The following LDB2 variants were observed in gnomAD, a reference collection of about 807,000 sequenced individuals.
The protein encoded by LDB2 is LIM domain binding 2.
LDB2 carries 12 observed loss-of-function variants against 44.3 expected under a neutral mutation model. That is an observed-to-expected ratio of 0.27 (90% CI 0.17 to 0.44). The LOEUF (loss-of-function observed/expected upper bound fraction) is 0.44, where lower values mean the gene tolerates loss of function less well. Ranked by LOEUF, LDB2 falls within the 20% of genes least tolerant of loss-of-function variation. The probability of loss-of-function intolerance (pLI) is 1.00; values close to 1 mark genes in which losing one functional copy is unlikely to be tolerated. For missense variants in LDB2, 344 were observed against 473.5 expected (o/e 0.73, Z 2.54); for synonymous variants, 164 against 174.8 (o/e 0.94, Z 0.49).
chr4:16,778,733 A>G (rs1271429581), intron 1 of LDB2, among the ~76,000 whole-genome samples: 6 of 152,232 alleles, frequency 3.9e-5, no homozygotes, highest in Admixed American at 2.6e-4. Context: ...TGGTTTAATC[A>G]TCACAATTAT....
At chr4:16,738,830 G>A (rs1249147544) in intron 2 of LDB2, among the ~76,000 whole-genome samples, 1 of 152,126 alleles carries the variant, frequency 6.6e-6, no homozygotes, top group Non-Finnish European at 1.5e-5. Flanking sequence ...TCTTATCAGG[G>A]ATTGTTTACT....
chr4:16,719,027 A>G (rs941172359), intron 2 of LDB2, among the ~76,000 whole-genome samples: 1 of 152,068 alleles, frequency 6.6e-6, no homozygotes, highest in Non-Finnish European at 1.5e-5. Context: ...CAAAATAAAT[A>G]GGCATATAAG....
At chr4:16,724,754 C>A (rs1159700018) in intron 2 of LDB2, among the ~76,000 whole-genome samples, 2 of 152,118 alleles carry the variant, frequency 1.3e-5, no homozygotes, top group Non-Finnish European at 2.9e-5. Context: ...CCTATGCAAA[C>A]TTTGGCATTT....
intron 1 of LDB2, among the ~76,000 whole-genome samples, chr4:16,875,769 A>T (rs1337042569): frequency 2.6e-5 from 4 of 152,332 alleles, no homozygotes; most frequent in Non-Finnish European, 5.9e-5. Context: ...AGGGACCACC[A>T]GCCAAAGGCA....
intron 1 of LDB2, among the ~76,000 whole-genome samples, chr4:16,766,109 A>G (rs140445096): frequency 3.5e-4 from 54 of 152,310 alleles, no homozygotes; most frequent in African/African-American, 1.1e-3. Flanking sequence ...ATTAAATGTT[A>G]CAAATATAAA....
At chr4:16,556,154 T>C (rs10516304) in intron 5 of LDB2, among the ~76,000 whole-genome samples, 6,607 of 152,316 alleles carry the variant, frequency 0.043, 249 homozygotes, top group East Asian at 0.23. Context: ...AGACTTATTA[T>C]GTTCCTTTTC....
At chr4:16,798,887 G>T (rs1008870970) in intron 1 of LDB2, among the ~76,000 whole-genome samples, 1 of 152,108 alleles carries the variant, frequency 6.6e-6, no homozygotes, top group African/African-American at 2.4e-5. Context: ...GACTTGCTTT[G>T]TTGCCCAGGC....
Position 16,814,328 on chromosome 4 carries a change from C to T in LDB2, c.133-55068G>A, listed in dbSNP as rs893142651. 3.3e-5 allele frequency among the ~76,000 whole-genome samples: 5 copies of T among 152,188 alleles called. No homozygotes were observed. The East Asian group carries it at 9.6e-4, about 29-fold the overall frequency. On this transcript the variant is annotated intron_variant, in intron 1 of 7. Coordinates refer to ENST00000304523, the MANE Select transcript of LDB2 (RefSeq NM_001290.5). ...TTCCAGGGCAACCATGTGTCAATAG[C>T]AGAACCTAGATTCAGACAGTTGGAT... is the stretch of plus-strand genomic sequence containing the variant.
intron 2 of LDB2, chr4:16,752,332 G>T (rs1235614650): frequency 5.0e-6 from 2 of 402,024 alleles, no homozygotes; most frequent in South Asian, 1.9e-5. Context: ...TGAGCAAAAT[G>T]GGGGATGAAA....
At chr4:16,662,284 A>G (rs1294646824) in intron 2 of LDB2, among the ~76,000 whole-genome samples, 1 of 152,036 alleles carries the variant, frequency 6.6e-6, no homozygotes, top group Admixed American at 6.6e-5. Flanking sequence ...TTTGCTCCAA[A>G]CCCAACACAG....
chr4:16,699,417 C>T (rs567383910), intron 2 of LDB2, among the ~76,000 whole-genome samples: 22 of 152,192 alleles, frequency 1.4e-4, no homozygotes, highest in African/African-American at 4.3e-4. Context: ...TATTTCTTTC[C>T]GGTTCATGGA....
intron 2 of LDB2, among the ~76,000 whole-genome samples, chr4:16,737,692 T>C (rs1762179822): frequency 6.6e-6 from 1 of 152,164 alleles, no homozygotes; most frequent in African/African-American, 2.4e-5. Flanking sequence ...TGTTGCACAG[T>C]GCATACAGAA....
chr4:16,722,370 C>T (rs986783616), intron 2 of LDB2, among the ~76,000 whole-genome samples: 1 of 152,150 alleles, frequency 6.6e-6, no homozygotes, highest in African/African-American at 2.4e-5. Flanking sequence ...ACCTGCTACA[C>T]TGCCTCTCAG....
intron 2 of LDB2, among the ~76,000 whole-genome samples, chr4:16,716,482 G>T (rs1218435358): frequency 2.0e-5 from 3 of 152,140 alleles, no homozygotes; most frequent in Admixed American, 2.0e-4. Flanking sequence ...ACAAAATGTG[G>T]GATTTGCGAC....
intron 1 of LDB2, among the ~76,000 whole-genome samples, chr4:16,795,814 G>T (rs565501082): frequency 6.6e-6 from 1 of 152,074 alleles, no homozygotes; most frequent in African/African-American, 2.4e-5. Context: ...TATTATAATT[G>T]TAGCTACTGT....
At chr4:16,828,636 G>A (rs1370128417) in intron 1 of LDB2, among the ~76,000 whole-genome samples, 1 of 152,106 alleles carries the variant, frequency 6.6e-6, no homozygotes, top group African/African-American at 2.4e-5. Flanking sequence ...GATAGATATT[G>A]GGAGATAGTA....
rs945899956 is a variant in LDB2 at position 16,502,481 on chromosome 4, G to GA, written c.*161dup. ...TTACTGGGAATAATCCTCTCAATTA[G>GA]AAAAAAAGAAAGAAGAAAGAAAATC... On this transcript the variant is annotated 3_prime_UTR_variant, in exon 8 of 8. Transcript: ENST00000304523. 8.0e-5 allele frequency: 85 copies of GA among 1,068,464 alleles called. 1 individual carries two copies. In the African/African-American group the frequency reaches 1.0e-3, roughly 13 times the overall value. 66.2% of individuals were successfully genotyped at this position (1,068,464 alleles called of 1,614,324 possible).
intron 2 of LDB2, among the ~76,000 whole-genome samples, chr4:16,755,525 AT>A (rs1766408603): frequency 7.2e-4 from 37 of 51,060 alleles, no homozygotes; most frequent in African/African-American, 2.3e-3. Context: ...GTGTGTGTGT[AT>A]GTGAGAGAGA....
chr4:16,742,537 C>A (rs1763521882), intron 2 of LDB2, among the ~76,000 whole-genome samples: 2 of 152,156 alleles, frequency 1.3e-5, no homozygotes, highest in Non-Finnish European at 2.9e-5. Flanking sequence ...GTTTGGAATT[C>A]TCTGTCAGAA....
Sources: allele counts gnomAD v4.1 joint callset (sites outside exome capture counted in the v4.1 genomes callset), GRCh38; gene constraint gnomAD v4.1.1; transcripts MANE v1.5; gene names NCBI Gene and HGNC (gene_info 2026-07-23, HGNC 2026-07-21).